Variants in RHOBTB2 observed in about 807,000 individuals in gnomAD.
RHOBTB2 encodes the protein rho-related BTB domain-containing protein 2.
RHOBTB2 carries 39 observed loss-of-function variants against 66.5 expected under a neutral mutation model. The observed-to-expected ratio is 0.59, with a 90% CI of 0.45 to 0.77. The LOEUF (loss-of-function observed/expected upper bound fraction) is 0.77, where lower values mean the gene tolerates loss of function less well. Among genes scored for constraint, RHOBTB2 ranks in the 30% least tolerant of loss-of-function variants. The pLI, the probability that RHOBTB2 is intolerant of heterozygous loss-of-function variation, is 0.00. For synonymous variants in RHOBTB2, 390 were observed against 395.0 expected (o/e 0.99, Z 0.15); for missense variants, 755 against 999.1 (o/e 0.76, Z 3.29).
rs1490466965 is a variant in RHOBTB2 at position 23,018,691 on chromosome 8, G to A, written c.*1222G>A. On this transcript the variant is annotated 3_prime_UTR_variant, in exon 10 of 10. Transcript: ENST00000251822. ...GGGGCTTAAATGGCACCAGACTCTTGCTTTTGCCCATCTGGAGACTGCAGG... is the reference window on the plus strand; with the variant it reads ...GGGGCTTAAATGGCACCAGACTCTTACTTTTGCCCATCTGGAGACTGCAGG... 6.6e-6 allele frequency: 1 copy of A among 152,384 alleles called. No homozygotes were observed. Among genetic ancestry groups the A allele is most frequent in the Admixed American group, 6.5e-5 (1 of 15,280 alleles). The allele number at this position is 152,384 out of a possible 1,614,324, so 9.4% of individuals were successfully genotyped here.
At chr8:22,951,996 C>G in the RHOBTB2 span, among the ~76,000 whole-genome samples, 1 of 152,180 alleles carries the variant, frequency 6.6e-6, no homozygotes, top group Non-Finnish European at 1.5e-5. Flanking sequence ...GCTGGGATTA[C>G]AGGAGCGAGC....
At chr8:23,010,791 T>G in intron 7 of RHOBTB2, 103 bp downstream of exon 7, 1 of 1,252,728 alleles carries the variant, frequency 8.0e-7, no homozygotes, top group Non-Finnish European at 1.1e-6. Flanking sequence ...CAAGCTGATG[T>G]CCAAGGGACT....
chr8:22,999,053 G>A (rs890996419), upstream of RHOBTB2: 4 of 152,354 alleles, frequency 2.6e-5, no homozygotes, highest in African/African-American at 7.2e-5. Flanking sequence ...ACTCATTAAG[G>A]GCCATGGAGG....
At chr8:22,980,418 C>A in the RHOBTB2 span, among the ~76,000 whole-genome samples, 1 of 152,130 alleles carries the variant, frequency 6.6e-6, no homozygotes, top group African/African-American at 2.4e-5. Context: ...TATTTATTTC[C>A]TTTTTCATGA....
chr8:23,015,622 T>A lies in RHOBTB2; in HGVS notation c.1861-16T>A. Reference sequence around the variant, plus strand: ...CTGGGGATTTCAGTACAGACGTTCTTCCCTTCTGTCCCCAGTTCCACTGTG... The same window carrying A: ...CTGGGGATTTCAGTACAGACGTTCTACCCTTCTGTCCCCAGTTCCACTGTG... On this transcript the variant is annotated splice_polypyrimidine_tract_variant and intron_variant, in intron 8 of 9. Transcript: ENST00000251822. The A allele has an allele frequency of 1.9e-6, 3 of 1,571,328 alleles. No individual in the cohort carries two copies. Among genetic ancestry groups the A allele is most frequent in the Non-Finnish European group, 2.6e-6 (3 of 1,141,636 alleles).
At chr8:22,967,913 T>G in the RHOBTB2 span, among the ~76,000 whole-genome samples, 2 of 152,044 alleles carry the variant, frequency 1.3e-5, no homozygotes, top group African/African-American at 4.8e-5. Context: ...TCCCAGCACT[T>G]TGGGAGGCTG....
chr8:23,017,797 C>G lies in RHOBTB2; in HGVS notation c.*328C>G, dbSNP rs547846831. 88 of 312,304 alleles carry G rather than the reference C, an allele frequency of 2.8e-4. No homozygotes were observed. The highest frequency in any genetic ancestry group is 6.9e-4 in the African/African-American group (33 of 48,048). 19.3% of individuals were successfully genotyped at this position (312,304 alleles called of 1,614,324 possible). ...AAGCCTCCCAGCCTCCAGGGCTTCT[C>G]TGTGTGTCTTGGTTGCTGCTCTGGC... is the stretch of plus-strand genomic sequence containing the variant. On this transcript the variant is annotated 3_prime_UTR_variant, in exon 10 of 10. Coordinates refer to ENST00000251822, the MANE Select transcript of RHOBTB2 (RefSeq NM_015178.3). The surrounding 1 kb of genome is among the most constrained non-coding windows in gnomAD (Gnocchi z 5.3).
chr8:23,011,942 G>A (rs551817305), intron 7 of RHOBTB2, among the ~76,000 whole-genome samples: 5 of 152,304 alleles, frequency 3.3e-5, no homozygotes, highest in African/African-American at 1.2e-4. Flanking sequence ...ATAAGGTGGG[G>A]CTGGGTTACA....
At position 22,999,799 on chromosome 8, in the gene RHOBTB2, C is replaced by G; in HGVS notation, c.-317C>G. The G allele has an allele frequency of 3.1e-6, 3 of 983,360 alleles. No individual in the cohort carries two copies. Among genetic ancestry groups the G allele is most frequent in the Non-Finnish European group, 3.6e-6 (3 of 829,564 alleles). The allele number at this position is 983,360 out of a possible 1,614,324, so 60.9% of individuals were successfully genotyped here. ...CGCGCCGCCCGCTGCCTCCGCAGCC[C>G]GGCTCCGCGCGCCGCCGTGACATTG... is the stretch of plus-strand genomic sequence containing the variant. On this transcript the variant is annotated 5_prime_UTR_variant, in exon 1 of 10. Transcript: ENST00000251822.
the RHOBTB2 span, among the ~76,000 whole-genome samples, chr8:22,955,047 C>T: frequency 6.6e-6 from 1 of 152,266 alleles, no homozygotes; most frequent in Non-Finnish European, 1.5e-5. Context: ...ACGAGAATTG[C>T]TTGAACCAGG....
chr8:23,015,828 G>C, intron 9 of RHOBTB2, 85 bp downstream of exon 9: 1 of 962,776 alleles, frequency 1.0e-6, no homozygotes, highest in South Asian at 1.5e-5. Flanking sequence ...GGACCCCGAG[G>C]CTGCCAGTAA....
exon 1 of RHOBTB2, chr8:22,987,474 T>G (rs1810309828): frequency 6.6e-6 from 1 of 152,292 alleles, no homozygotes; most frequent in Admixed American, 6.5e-5. Context: ...AAAACCCTTG[T>G]GTTGTTTCTT....
chr8:22,987,149 G>A (rs900836014), upstream of RHOBTB2, among the ~76,000 whole-genome samples: 1 of 152,274 alleles, frequency 6.6e-6, no homozygotes, highest in Non-Finnish European at 1.5e-5. Flanking sequence ...TGAGTCACCA[G>A]GGGCTGAGAA....
rs563725795 is a variant in RHOBTB2, at chr8:23,017,180, T to TAGGGC, written c.1967-71_1967-67dup. 1,369 of 1,581,834 alleles carry TAGGGC rather than the reference T, an allele frequency of 8.7e-4. 4 individuals carry two copies. Among genetic ancestry groups the TAGGGC allele is most frequent in the Non-Finnish European group, 1.1e-3 (1,234 of 1,161,696 alleles). ...GCCTGCTGCAGGCCTTGTGGTGGGG[T>TAGGGC]AGGGCTGGTGTCCCACGTTCCTCTT... is the stretch of plus-strand genomic sequence containing the variant. On this transcript the variant is annotated intron_variant, in intron 9 of 9. Transcript: ENST00000251822. The surrounding 1 kb of genome is among the most constrained non-coding windows in gnomAD (Gnocchi z 5.3).
At chr8:22,974,012 C>T in the RHOBTB2 span, among the ~76,000 whole-genome samples, 1 of 150,660 alleles carries the variant, frequency 6.6e-6, no homozygotes. Context: ...CAGCCAGCTC[C>T]GCTGGGAGCC....
Position 23,007,112 on chromosome 8 carries a change from CT to C in RHOBTB2, c.868del (p.Ser290ProfsTer11). 6.2e-7 allele frequency: 1 copy of C among 1,610,016 alleles called. No homozygotes were observed. On this transcript the variant is annotated frameshift_variant, in exon 5 of 10. Coordinates refer to ENST00000251822, the MANE Select transcript of RHOBTB2 (RefSeq NM_015178.3). LOFTEE classifies it high-confidence loss of function. Reference protein sequence around the residue: ...AHKIYLSTSSSKFYDLFLMDL... With the variant: ...AHKIYLSTSSXKFYDLFLMDL... ...ACAAGATCTACCTCTCCACCTCTTC[CT>C]CCAAGTTCTATGACCTGTTCCTCAT...
chr8:23,010,396 C>G, intron 6 of RHOBTB2, 142 bp from the exon 7 acceptor site: 2 of 911,104 alleles, frequency 2.2e-6, no homozygotes, highest in Non-Finnish European at 3.3e-6. Flanking sequence ...GTCTTCTCAG[C>G]AGATACACAT....
the RHOBTB2 span, among the ~76,000 whole-genome samples, chr8:22,978,971 T>A: frequency 0.022 from 3,361 of 152,298 alleles, 112 homozygotes; most frequent in African/African-American, 0.077. Flanking sequence ...ATGGCCATGA[T>A]GTATACATAT....
intron 2 of RHOBTB2, among the ~76,000 whole-genome samples, chr8:22,993,007 T>A (rs918535040): frequency 3.3e-5 from 5 of 152,344 alleles, no homozygotes; most frequent in Admixed American, 3.3e-4. Context: ...ACGATGTGGC[T>A]GTAGAATGGC....
Sources: allele counts gnomAD v4.1 joint callset (sites outside exome capture counted in the v4.1 genomes callset), GRCh38; gene constraint gnomAD v4.1.1; non-coding constraint Gnocchi (gnomAD v3.1); transcripts MANE v1.5; gene names NCBI Gene and HGNC (gene_info 2026-07-23, HGNC 2026-07-21).